RELN: variants seen among roughly 807,000 people sequenced by gnomAD.
RELN encodes the protein reelin.
Under a neutral mutation model 427.6 loss-of-function variants are expected in RELN, and 108 were observed. The ratio of observed to expected loss-of-function variants is 0.25; its 90% CI spans 0.22 to 0.30. The LOEUF is 0.30. RELN is among the 10% of genes least tolerant of loss of function. The pLI, the probability that RELN is intolerant of heterozygous loss-of-function variation, is 1.00. For synonymous variants in RELN, 1,524 were observed against 1,513.4 expected (o/e 1.01, Z -0.16); for missense variants, 3,715 against 4,302.8 (o/e 0.86, Z 3.82).
At chr7:103,972,537 G>C (rs1405427152) in intron 1 of RELN, among the ~76,000 whole-genome samples, 1 of 152,118 alleles carries the variant, frequency 6.6e-6, no homozygotes. Context: ...GCACTGGCAG[G>C]GATGGAATGC....
intron 1 of RELN, among the ~76,000 whole-genome samples, chr7:103,947,970 C>T (rs1051502552): frequency 4.6e-5 from 7 of 152,064 alleles, no homozygotes; most frequent in Admixed American, 1.3e-4. Context: ...TCTGTCTACA[C>T]AGATAGCAAA....
At chr7:103,666,366 C>G (rs928168139) in intron 11 of RELN, among the ~76,000 whole-genome samples, 1 of 152,102 alleles carries the variant, frequency 6.6e-6, no homozygotes, top group African/African-American at 2.4e-5. Flanking sequence ...GCCACTGTGC[C>G]CCACTTCTTT....
intron 2 of RELN, among the ~76,000 whole-genome samples, chr7:103,856,192 T>G (rs1584301630): frequency 6.6e-6 from 1 of 152,006 alleles, no homozygotes; most frequent in East Asian, 1.9e-4. Flanking sequence ...TTGCCTAAAA[T>G]ACAAGGTATA....
intron 1 of RELN, among the ~76,000 whole-genome samples, chr7:103,924,991 TACACACACACAC>T (rs57662220): frequency 2.4e-3 from 119 of 49,096 alleles, no homozygotes; most frequent in Middle Eastern, 0.02. Flanking sequence ...CGCATACACA[TACACACACACAC>T]ACACACACAC....
chr7:103,967,611 T>G (rs1187836550), intron 1 of RELN, among the ~76,000 whole-genome samples: 1 of 152,186 alleles, frequency 6.6e-6, no homozygotes, highest in African/African-American at 2.4e-5. Flanking sequence ...AAAAGGAGAA[T>G]GCCTCTATCA....
chr7:103,719,535 T>C (rs947311667), intron 8 of RELN, among the ~76,000 whole-genome samples: 37 of 152,184 alleles, frequency 2.4e-4, no homozygotes, highest in Non-Finnish European at 4.4e-4. Flanking sequence ...CTTATTTTGT[T>C]TTCCCAGTTG....
At chr7:103,769,879 T>C (rs1171841323) in intron 4 of RELN, among the ~76,000 whole-genome samples, 1 of 152,162 alleles carries the variant, frequency 6.6e-6, no homozygotes, top group African/African-American at 2.4e-5. Context: ...GCACCCTCTT[T>C]CCTGGCTCTT....
intron 8 of RELN, among the ~76,000 whole-genome samples, chr7:103,718,075 C>A (rs1325515995): frequency 6.6e-6 from 1 of 152,070 alleles, no homozygotes; most frequent in Non-Finnish European, 1.5e-5. Context: ...TACCAGATCT[C>A]TTTTCTTTCA....
chr7:103,931,344 T>C (rs771769822), intron 1 of RELN, among the ~76,000 whole-genome samples: 2 of 152,194 alleles, frequency 1.3e-5, no homozygotes, highest in African/African-American at 2.4e-5. Context: ...CCTCCCAACT[T>C]ACCAATGCTT....
intron 2 of RELN, among the ~76,000 whole-genome samples, chr7:103,910,539 C>A (rs575725636): frequency 1.3e-5 from 2 of 149,776 alleles, no homozygotes; most frequent in African/African-American, 4.9e-5. Context: ...GAGCCCGCAT[C>A]GCCAAGTCAA....
At chr7:103,743,272 T>A (rs1219544846) in intron 6 of RELN, among the ~76,000 whole-genome samples, 1 of 152,026 alleles carries the variant, frequency 6.6e-6, no homozygotes, top group Non-Finnish European at 1.5e-5. Context: ...GTACTAAACA[T>A]GGAAAGGAAC....
chr7:103,907,603 G>A (rs1202904464), intron 2 of RELN, among the ~76,000 whole-genome samples: 1 of 151,598 alleles, frequency 6.6e-6, no homozygotes, highest in Non-Finnish European at 1.5e-5. Context: ...TCTTTTGGAG[G>A]TGACATTAGC....
chr7:103,888,976 A>G (rs548013372), intron 2 of RELN, among the ~76,000 whole-genome samples: 2 of 152,236 alleles, frequency 1.3e-5, no homozygotes, highest in East Asian at 1.9e-4. Context: ...CCTGCTAATC[A>G]CTGACCCCAA....
intron 2 of RELN, among the ~76,000 whole-genome samples, chr7:103,860,330 T>C (rs907187412): frequency 2.2e-4 from 33 of 152,296 alleles, no homozygotes; most frequent in African/African-American, 7.7e-4. Context: ...AATTATAATA[T>C]GTAGCAAGCC....
At chr7:103,929,196 A>G (rs1031145320) in intron 1 of RELN, among the ~76,000 whole-genome samples, 1 of 152,148 alleles carries the variant, frequency 6.6e-6, no homozygotes, top group Non-Finnish European at 1.5e-5. Flanking sequence ...TATCTGATCC[A>G]TGAAACTGAG....
At chr7:103,646,791 C>T (rs1832806002) in intron 16 of RELN, among the ~76,000 whole-genome samples, 1 of 151,868 alleles carries the variant, frequency 6.6e-6, no homozygotes, top group African/African-American at 2.4e-5. Flanking sequence ...AAACCTGATA[C>T]CAAAGCCAGG....
At chr7:103,897,159 G>A (rs556379596) in intron 2 of RELN, among the ~76,000 whole-genome samples, 100 of 152,172 alleles carry the variant, frequency 6.6e-4, no homozygotes, top group African/African-American at 2.3e-3. Context: ...CCCACAACAC[G>A]TGGGGATTAT....
intron 43 of RELN, among the ~76,000 whole-genome samples, chr7:103,542,477 T>C (rs1830195447): frequency 6.6e-6 from 1 of 152,248 alleles, no homozygotes; most frequent in South Asian, 2.1e-4. Flanking sequence ...CTCAGTCTTA[T>C]AAAATACCAG....
chr7:103,624,885 A>T (rs552513864), intron 20 of RELN, among the ~76,000 whole-genome samples: 4 of 152,156 alleles, frequency 2.6e-5, no homozygotes, highest in South Asian at 4.2e-4. Flanking sequence ...AGCTTTAATT[A>T]AAAAAAATAA....
Sources: gnomAD v4.1 joint callset for allele counts (sites outside exome capture counted in the v4.1 genomes callset) on GRCh38, gnomAD v4.1.1 for gene constraint, MANE v1.5 for transcripts, NCBI Gene and HGNC (gene_info 2026-07-23, HGNC 2026-07-21) for gene names.